LRRC9: variants seen among roughly 807,000 people sequenced by gnomAD.
The protein encoded by LRRC9 is leucine rich repeat containing 9, also known as leucine-rich repeat-containing protein 9.
In LRRC9, 122 loss-of-function variants were observed where a neutral mutation model predicts 63.2. The ratio of observed to expected loss-of-function variants is 1.93; its 90% CI spans 1.67 to 2.24. The LOEUF (loss-of-function observed/expected upper bound fraction) is 2.24, where lower values mean the gene tolerates loss of function less well. Among genes scored for constraint, LRRC9 ranks in the 30% most tolerant of loss-of-function variants. The pLI, the probability that LRRC9 is intolerant of heterozygous loss-of-function variation, is 0.00. For synonymous variants in LRRC9, 366 were observed against 213.1 expected (o/e 1.72, Z -6.25); for missense variants, 1,071 against 627.7 (o/e 1.71, Z -7.55).
exon 17 of LRRC9, chr14:59,985,146 T>A: frequency 1.4e-6 from 1 of 691,166 alleles, no homozygotes; most frequent in South Asian, 1.5e-5. Flanking sequence ...AATTGAGAGA[T>A]CTCTCCAAGT....
At chr14:60,044,347 T>C (rs1431102874) in intron 29 of LRRC9, among the ~76,000 whole-genome samples, 1 of 152,156 alleles carries the variant, frequency 6.6e-6, no homozygotes, top group Non-Finnish European at 1.5e-5. Context: ...AGGGCTTGGC[T>C]TGTTTTTACA....
In LRRC9 at chr14:59,930,999, G is replaced by A; in HGVS notation, c.349G>A (p.Glu117Lys). 2 of 445,632 alleles carry A rather than the reference G, an allele frequency of 4.5e-6. No individual in the cohort carries two copies. The highest frequency in any genetic ancestry group is 8.1e-6 in the Non-Finnish European group (2 of 245,426). 27.6% of individuals were successfully genotyped at this position (445,632 alleles called of 1,614,324 possible). A position where few individuals can be genotyped will look rare whatever the true frequency, so the allele number is the denominator to read the frequency against. ...TAAAATTTCCAAAATAGAAAATTTA[G>A]AGAAATTAATCAAATTGAAGGTTCT... Residue 117 changes from glutamate to lysine, a missense_variant, in exon 4 of 32, where the codon GAG becomes AAG. By Grantham distance (56) the Glu-to-Lys change is moderately conservative. Transcript: ENST00000445360. The surrounding 1 kb of genome is among the most constrained non-coding windows in gnomAD (Gnocchi z 4.9).
At chr14:60,021,989 T>G (rs919734174) in intron 26 of LRRC9, among the ~76,000 whole-genome samples, 5 of 151,842 alleles carry the variant, frequency 3.3e-5, no homozygotes, top group African/African-American at 1.2e-4. Flanking sequence ...CTTTATAAAT[T>G]TTAGGATAAG....
chr14:60,002,655 T>C (rs761952735), intron 20 of LRRC9, among the ~76,000 whole-genome samples: 5 of 152,306 alleles, frequency 3.3e-5, no homozygotes, highest in Non-Finnish European at 7.3e-5. Flanking sequence ...ACATTTGTCA[T>C]ATTCCAAAAA....
chr14:60,007,927 G>A (rs1309542865), intron 22 of LRRC9, among the ~76,000 whole-genome samples, 165 bp from the exon 23 acceptor site: 3 of 117,326 alleles, frequency 2.6e-5, no homozygotes, highest in Admixed American at 1.0e-4. Context: ...GCAACAGCAC[G>A]AGACCATGTC....
intron 8 of LRRC9, among the ~76,000 whole-genome samples, chr14:59,946,321 A>T (rs1882386224): frequency 6.6e-6 from 1 of 150,826 alleles, no homozygotes; most frequent in Non-Finnish European, 1.5e-5. Flanking sequence ...AATTAATAAT[A>T]AAAAAGATTA....
intron 12 of LRRC9, among the ~76,000 whole-genome samples, chr14:59,972,426 GGAACTCTAA>G (rs2140037107): frequency 6.6e-6 from 1 of 152,154 alleles, no homozygotes; most frequent in Admixed American, 6.6e-5. Flanking sequence ...CTATGAAATT[GGAACTCTAA>G]GTAGTCTTTC....
At chr14:60,036,331 C>G (rs1219380972) in intron 29 of LRRC9, among the ~76,000 whole-genome samples, 1 of 152,154 alleles carries the variant, frequency 6.6e-6, no homozygotes, top group Non-Finnish European at 1.5e-5. Context: ...CTCATAATGT[C>G]TGCTATAGCA....
At chr14:60,064,352 T>C (rs886863379), downstream of LRRC9, among the ~76,000 whole-genome samples, 19 of 152,320 alleles carry the variant, frequency 1.2e-4, no homozygotes, top group African/African-American at 4.3e-4. Context: ...TTTAAAGTTA[T>C]TGGCTCAACA....
At chr14:59,988,580 CTTATACTA>C (rs1229082998) in intron 17 of LRRC9, among the ~76,000 whole-genome samples, 1 of 152,060 alleles carries the variant, frequency 6.6e-6, no homozygotes, top group Non-Finnish European at 1.5e-5. Context: ...AATGACAGTA[CTTATACTA>C]TTATCAATAT....
intron 31 of LRRC9, among the ~76,000 whole-genome samples, chr14:60,062,631 T>A (rs1894724300): frequency 6.6e-6 from 1 of 152,216 alleles, no homozygotes; most frequent in Admixed American, 6.5e-5. Context: ...AATTCCTACT[T>A]GCCTCCTTCT....
At chr14:60,041,464 C>T (rs978949188) in intron 29 of LRRC9, among the ~76,000 whole-genome samples, 1 of 151,414 alleles carries the variant, frequency 6.6e-6, no homozygotes, top group Middle Eastern at 3.4e-3. Flanking sequence ...ATTTTTTACT[C>T]TAAACTTCTC....
chr14:59,931,896 A>C (rs548930579), intron 5 of LRRC9, 73 bp from the exon 6 acceptor site: 84 of 673,482 alleles, frequency 1.2e-4, no homozygotes, highest in Non-Finnish European at 2.7e-6. Flanking sequence ...CGATGGCTAC[A>C]TACAACTCAG....
At chr14:60,046,815 A>T (rs969349443) in intron 29 of LRRC9, among the ~76,000 whole-genome samples, 1 of 152,192 alleles carries the variant, frequency 6.6e-6, no homozygotes, top group Non-Finnish European at 1.5e-5. Flanking sequence ...GCAGTTTAAT[A>T]GGAAGAACAC....
chr14:60,014,570 T>TG, intron 23 of LRRC9, among the ~76,000 whole-genome samples: 1 of 152,152 alleles, frequency 6.6e-6, no homozygotes, highest in East Asian at 1.9e-4. Flanking sequence ...GAAAATGTCG[T>TG]GCCACATTCC....
Position 59,938,882 on chromosome 14 carries a change from C to A in LRRC9, c.726+310C>A. Among the ~76,000 whole-genome samples, 2 of 136,368 alleles carry A rather than the reference C, an allele frequency of 1.5e-5. No homozygotes were observed. The highest frequency in any genetic ancestry group is 4.3e-4 in the East Asian group (2 of 4,612). The allele number at this position is 136,368 out of a possible 152,430, so 89.5% of individuals were successfully genotyped here. The stretch of plus-strand genomic sequence containing the variant: ...TAGACTAGTGCCATATATATATACA[C>A]ACATATATACACATATATATACATA... On this transcript the variant is annotated intron_variant, in intron 7 of 31. Transcript: ENST00000445360. The surrounding 1 kb of genome is among the most constrained non-coding windows in gnomAD (Gnocchi z 4.2).
intron 29 of LRRC9, among the ~76,000 whole-genome samples, chr14:60,045,067 T>C (rs1893294814): frequency 8.4e-6 from 1 of 119,190 alleles, no homozygotes; most frequent in Non-Finnish European, 1.9e-5. Flanking sequence ...TTTTTTTTTT[T>C]TGAAGGTCTT....
chr14:59,928,773 C>T (rs144284682), intron 3 of LRRC9, among the ~76,000 whole-genome samples: 103 of 152,066 alleles, frequency 6.8e-4, no homozygotes, highest in African/African-American at 2.4e-3. Flanking sequence ...TAAGGCCACA[C>T]ACCTACAACT....
chr14:60,025,492 A>G (rs1340264473), intron 27 of LRRC9, among the ~76,000 whole-genome samples: 1 of 152,026 alleles, frequency 6.6e-6, no homozygotes, highest in South Asian at 2.1e-4. Context: ...ATGGAGGAGT[A>G]TGTTCTGATG....
Sources: gnomAD v4.1 joint callset for allele counts (sites outside exome capture counted in the v4.1 genomes callset) on GRCh38, gnomAD v4.1.1 for gene constraint, Gnocchi (gnomAD v3.1) non-coding constraint, MANE v1.5 for transcripts, NCBI Gene and HGNC (gene_info 2026-07-23, HGNC 2026-07-21) for gene names.